Variants in KLHL4 observed in about 807,000 individuals in gnomAD.
KLHL4 encodes kelch-like protein 4.
KLHL4 carries 17 observed loss-of-function variants against 45.8 expected under a neutral mutation model. The observed-to-expected ratio is 0.37, with a 90% CI of 0.25 to 0.56. KLHL4 has a LOEUF of 0.56. Among genes scored for constraint, KLHL4 ranks in the 20% least tolerant of loss-of-function variants. The pLI is 0.79. For synonymous variants in KLHL4, 224 were observed against 189.9 expected (o/e 1.18, Z -1.47); for missense variants, 544 against 544.9 (o/e 1.00, Z 0.02).
At chrX:87,628,409 A>G (rs1446917222) in intron 6 of KLHL4, among the ~76,000 whole-genome samples, 1 of 112,106 alleles carries the variant, frequency 8.9e-6, no homozygotes. Flanking sequence ...AAAGAGAAAA[A>G]GAAAGAAAAA....
intron 1 of KLHL4, among the ~76,000 whole-genome samples, chrX:87,556,389 G>T (rs1213724617): frequency 2.7e-5 from 3 of 109,207 alleles, no homozygotes; most frequent in African/African-American, 1.0e-4. Flanking sequence ...GGATGAAATT[G>T]GAAATCATCA....
chrX:87,527,824 A>C (rs2147763276), intron 1 of KLHL4, among the ~76,000 whole-genome samples: 1 of 110,344 alleles, frequency 9.1e-6, no homozygotes, highest in African/African-American at 3.3e-5. Context: ...GAAAAAAAAA[A>C]AAAAACAATT....
intron 9 of KLHL4, among the ~76,000 whole-genome samples, chrX:87,639,797 G>A (rs1430781780): frequency 2.8e-5 from 3 of 108,842 alleles, no homozygotes; most frequent in Non-Finnish European, 5.7e-5. Flanking sequence ...ACACGTCAAG[G>A]AACTAGAGAA....
chrX:87,601,745 C>A (rs1922025033), intron 1 of KLHL4, among the ~76,000 whole-genome samples: 2 of 111,615 alleles, frequency 1.8e-5, no homozygotes, highest in South Asian at 7.6e-4. Context: ...GCCTGGCTAC[C>A]TACTCTAAAA....
At chrX:87,641,694 T>G (rs1239577316) in intron 9 of KLHL4, among the ~76,000 whole-genome samples, 2 of 111,099 alleles carry the variant, frequency 1.8e-5, no homozygotes, top group Non-Finnish European at 3.8e-5. Context: ...TTGGGGCTGT[T>G]GGGGAGAAGC....
chrX:87,583,008 C>G (rs1431226231), intron 1 of KLHL4, among the ~76,000 whole-genome samples: 1 of 109,943 alleles, frequency 9.1e-6, no homozygotes, highest in Non-Finnish European at 1.9e-5. Context: ...CTTTTAGGAT[C>G]CTGCTGATTG....
chrX:87,652,204 T>C (rs1459499944), intron 9 of KLHL4, among the ~76,000 whole-genome samples: 1 of 111,810 alleles, frequency 8.9e-6, no homozygotes, highest in South Asian at 3.7e-4. Context: ...AAAACATTTT[T>C]CCCCCTAGGC....
At chrX:87,553,178 T>A (rs1342949857) in intron 1 of KLHL4, among the ~76,000 whole-genome samples, 2 of 110,454 alleles carry the variant, frequency 1.8e-5, no homozygotes, top group Non-Finnish European at 3.8e-5. Context: ...GCTCTGGCGG[T>A]TTGTAGTATA....
intron 1 of KLHL4, among the ~76,000 whole-genome samples, chrX:87,599,428 A>G (rs1921938399): frequency 8.9e-6 from 1 of 112,034 alleles, no homozygotes; most frequent in East Asian, 2.8e-4. Context: ...AGCTTTGAGA[A>G]CAGAAATAAC....
intron 1 of KLHL4, among the ~76,000 whole-genome samples, chrX:87,597,602 A>G (rs1921878500): frequency 8.9e-6 from 1 of 111,849 alleles, no homozygotes; most frequent in Non-Finnish European, 1.9e-5. Flanking sequence ...TACATATGGA[A>G]AGGCTATTAG....
chrX:87,544,093 C>T (rs1345145003), intron 1 of KLHL4, among the ~76,000 whole-genome samples: 4 of 110,938 alleles, frequency 3.6e-5, no homozygotes, highest in African/African-American at 3.3e-5. Context: ...GAGCCCACTG[C>T]CCTGAAGGTT....
chrX:87,615,766 C>A (rs1394835260), intron 3 of KLHL4, among the ~76,000 whole-genome samples: 1 of 109,739 alleles, frequency 9.1e-6, no homozygotes, highest in South Asian at 3.9e-4. Flanking sequence ...ATTAAATGTA[C>A]AAAATAAAAA....
intron 1 of KLHL4, among the ~76,000 whole-genome samples, chrX:87,561,773 G>C (rs73509878): frequency 9.2e-6 from 1 of 109,261 alleles, no homozygotes; most frequent in Admixed American, 9.9e-5. Context: ...AAAGAGAAAA[G>C]TAGAGAACTT....
chrX:87,605,213 T>G (rs889164329), intron 1 of KLHL4, among the ~76,000 whole-genome samples: 14 of 111,556 alleles, frequency 1.3e-4, no homozygotes, highest in African/African-American at 4.5e-4. Context: ...TCCAACCTCA[T>G]TTTTTTCGCT....
chrX:87,651,736 G>A (rs1923820741), intron 9 of KLHL4, among the ~76,000 whole-genome samples: 2 of 112,148 alleles, frequency 1.8e-5, no homozygotes, highest in Non-Finnish European at 3.8e-5. Flanking sequence ...CCTCCCAGGT[G>A]CTTTCACAGA....
At chrX:87,618,411 TC>T (rs1285390017) in intron 4 of KLHL4, among the ~76,000 whole-genome samples, 2 of 111,963 alleles carry the variant, frequency 1.8e-5, no homozygotes, top group Non-Finnish European at 3.8e-5. Context: ...AAATGTTAAT[TC>T]CCTGATGTTT....
rs1924494938 is a variant in KLHL4 at position 87,669,536 on chromosome X, G to C, written c.*3002G>C. The C allele has an allele frequency of 1.4e-6, 1 of 694,182 alleles. No homozygotes were observed. Among genetic ancestry groups the C allele is most frequent in the African/African-American group, 2.3e-5 (1 of 43,583 alleles). The allele number at this position is 694,182 out of a possible 1,213,427, so 57.2% of individuals were successfully genotyped here. ...TGCAATATAGAAAAAAAAACCCTGT[G>C]ACTCTGGATTTTATTTTAAGTTCTC... On this transcript the variant is annotated 3_prime_UTR_variant, in exon 11 of 11. Coordinates refer to ENST00000373119, the MANE Select transcript of KLHL4 (RefSeq NM_019117.5).
Position 87,617,940 on chromosome X carries a change from C to A in KLHL4, c.736C>A (p.Gln246Lys). 1.7e-6 allele frequency: 2 copies of A among 1,205,826 alleles called. No homozygotes were observed. The highest frequency in any genetic ancestry group is 3.0e-5 in the East Asian group (1 of 33,778). Residue 246 changes from glutamine to lysine, a missense_variant, in exon 4 of 11, where the codon CAA becomes AAA. Coordinates refer to ENST00000373119, the MANE Select transcript of KLHL4 (RefSeq NM_019117.5). Reference protein sequence around the residue: ...LVQYAYTGVLQLKEDTIESLL... With the variant: ...LVQYAYTGVLKLKEDTIESLL... ...TTTTTCAAACCATCTAGGAGTCCTG[C>A]AATTGAAAGAAGATACCATTGAAAG...
rs61497758 is a variant in KLHL4, at chrX:87,617,313, A to G, written c.728-619A>G. The stretch of plus-strand genomic sequence containing the variant: ...AGTGCCAGGGGTCAATTCTAGAGAT[A>G]ATATTTTGGGCAAATACATCTTTAC... On this transcript the variant is annotated intron_variant, in intron 3 of 10. Transcript: ENST00000373119. Among the ~76,000 whole-genome samples, 922 of 109,557 alleles carry G rather than the reference A, an allele frequency of 8.4e-3. 8 individuals are homozygous for G. The highest frequency in any genetic ancestry group is 0.028 in the African/African-American group (858 of 30,189).
Sources: allele counts gnomAD v4.1 joint callset (sites outside exome capture counted in the v4.1 genomes callset), GRCh38; gene constraint gnomAD v4.1.1; transcripts MANE v1.5; gene names NCBI Gene and HGNC (gene_info 2026-07-23, HGNC 2026-07-21).